Variants in TMCO1 observed in about 807,000 individuals in gnomAD.
TMCO1 encodes transmembrane and coiled-coil domains 1.
TMCO1 carries 29 observed loss-of-function variants against 29.3 expected under a neutral mutation model. The ratio of observed to expected loss-of-function variants is 0.99; its 90% CI spans 0.74 to 1.35. The LOEUF is 1.35. Ranked by LOEUF, TMCO1 falls within the 40% of genes most tolerant of loss-of-function variation. TMCO1 has a pLI of 0.00. For synonymous variants in TMCO1, 80 were observed against 77.1 expected (o/e 1.04, Z -0.20); for missense variants, 173 against 225.5 (o/e 0.77, Z 1.49).
At chr1:165,730,645 A>C (rs1173681660) in intron 6 of TMCO1, among the ~76,000 whole-genome samples, 2 of 152,192 alleles carry the variant, frequency 1.3e-5, no homozygotes, top group Non-Finnish European at 2.9e-5. Context: ...CTGAGGCTGG[A>C]GTGCAGTGGT....
intron 6 of TMCO1, among the ~76,000 whole-genome samples, chr1:165,731,847 G>A (rs1651171305): frequency 6.6e-6 from 1 of 152,192 alleles, no homozygotes; most frequent in South Asian, 2.1e-4. Context: ...TCCTTTCCTT[G>A]TGGCTCTTGC....
At chr1:165,748,654 G>A (rs1651890033) in intron 5 of TMCO1, among the ~76,000 whole-genome samples, 1 of 152,218 alleles carries the variant, frequency 6.6e-6, no homozygotes, top group East Asian at 1.9e-4. Flanking sequence ...ACATATGGAT[G>A]AGAATGCTGC....
At chr1:165,725,050 AAT>A (rs1650815015), downstream of TMCO1, 1 of 249,400 alleles carries the variant, frequency 4.0e-6, no homozygotes, top group Non-Finnish European at 7.6e-6. Context: ...ATATATATAA[AAT>A]AGTGTATATA....
At position 165,729,303 on chromosome 1, in the gene TMCO1, C is replaced by T. The variant is rs189726009; in HGVS notation, c.469-1182G>A. On this transcript the variant is annotated intron_variant, in intron 6 of 6. Coordinates refer to ENST00000367881, the MANE Select transcript of TMCO1 (RefSeq NM_019026.6). ...CTTTTATTCAGTTTTTAAAAACATA[C>T]TTTGTTCTCATAATTCTTTTTTTTT... Among the ~76,000 whole-genome samples, 127 of 145,096 alleles carry T rather than the reference C, an allele frequency of 8.8e-4. 1 individual carries two copies. The highest frequency in any genetic ancestry group is 3.1e-3 in the African/African-American group (123 of 39,632).
chr1:165,765,090 TA>T (rs1298345894), intron 2 of TMCO1, among the ~76,000 whole-genome samples: 1 of 152,192 alleles, frequency 6.6e-6, no homozygotes, highest in Non-Finnish European at 1.5e-5. Flanking sequence ...GTAAACAGGA[TA>T]CATAGGTAAA....
At chr1:165,759,090 C>T (rs1166804089) in intron 3 of TMCO1, among the ~76,000 whole-genome samples, 3 of 152,118 alleles carry the variant, frequency 2.0e-5, no homozygotes, top group Non-Finnish European at 4.4e-5. Flanking sequence ...ATTATTTCTC[C>T]AAGTATATCA....
At chr1:165,768,082 C>T (rs1015265684) in intron 2 of TMCO1, 110 bp downstream of exon 2, 4 of 945,496 alleles carry the variant, frequency 4.2e-6, no homozygotes, top group Middle Eastern at 2.1e-4. Flanking sequence ...AAATAGGCTT[C>T]AAGTCAGGTT....
chr1:165,738,681 A>G (rs996203478), intron 6 of TMCO1, among the ~76,000 whole-genome samples: 1 of 152,220 alleles, frequency 6.6e-6, no homozygotes, highest in African/African-American at 2.4e-5. Flanking sequence ...TAGAGAAACA[A>G]TTTATAATTA....
chr1:165,735,185 T>C lies in TMCO1; in HGVS notation c.469-7064A>G, dbSNP rs559029467. Among the ~76,000 whole-genome samples the C allele has an allele frequency of 5.3e-5, 8 of 152,330 alleles. No individual in the cohort carries two copies. In the South Asian group the frequency reaches 1.7e-3, roughly 32 times the overall value. ...CCTCCTTCCTTTCCTCTTTCTCCCG[T>C]ATCTTTCCAATGAAAATGTCCCTAG... On this transcript the variant is annotated intron_variant, in intron 6 of 6. Transcript: ENST00000367881.
intron 6 of TMCO1, among the ~76,000 whole-genome samples, chr1:165,732,828 A>G (rs975135854): frequency 1.3e-5 from 2 of 152,220 alleles, no homozygotes; most frequent in African/African-American, 4.8e-5. Context: ...ATATAGTAAG[A>G]TAACAGTTGT....
At chr1:165,734,281 C>A (rs1238466335) in intron 6 of TMCO1, among the ~76,000 whole-genome samples, 2 of 152,104 alleles carry the variant, frequency 1.3e-5, no homozygotes, top group Non-Finnish European at 2.9e-5. Context: ...CCTTATCGTA[C>A]AAGCTTGATA....
intron 6 of TMCO1, among the ~76,000 whole-genome samples, chr1:165,741,638 G>A (rs1651599243): frequency 6.6e-6 from 1 of 152,188 alleles, no homozygotes; most frequent in South Asian, 2.1e-4. Context: ...AAAGATCTTG[G>A]TGAGCCATGA....
chr1:165,739,597 C>T (rs929814685), intron 6 of TMCO1, among the ~76,000 whole-genome samples: 1 of 152,214 alleles, frequency 6.6e-6, no homozygotes, highest in African/African-American at 2.4e-5. Context: ...CCATGTTTCC[C>T]AGGCTGGTCT....
At chr1:165,750,294 C>T (rs1308220098) in intron 5 of TMCO1, among the ~76,000 whole-genome samples, 1 of 152,092 alleles carries the variant, frequency 6.6e-6, no homozygotes, top group Non-Finnish European at 1.5e-5. Flanking sequence ...AATCCCAGCA[C>T]TTTGGGAGGC....
At chr1:165,761,696 C>T (rs1367108260) in intron 2 of TMCO1, among the ~76,000 whole-genome samples, 1 of 151,850 alleles carries the variant, frequency 6.6e-6, no homozygotes, top group Non-Finnish European at 1.5e-5. Flanking sequence ...GTTCTGTAAG[C>T]CCAGCACTCT....
downstream of TMCO1, chr1:165,726,405 T>C (rs558094813): frequency 2.2e-4 from 141 of 630,184 alleles, no homozygotes; most frequent in Middle Eastern, 4.3e-4. Context: ...CACACTCTAG[T>C]TGAGGAGATG....
intron 4 of TMCO1, among the ~76,000 whole-genome samples, chr1:165,753,386 G>A (rs1317108487): frequency 6.7e-6 from 1 of 149,102 alleles, no homozygotes; most frequent in African/African-American, 2.5e-5. Flanking sequence ...GGTAGGAGGA[G>A]CGCACAAGCC....
At chr1:165,764,894 G>T (rs933895136) in intron 2 of TMCO1, among the ~76,000 whole-genome samples, 1 of 152,200 alleles carries the variant, frequency 6.6e-6, no homozygotes, top group Non-Finnish European at 1.5e-5. Context: ...CAGATTAAAT[G>T]AAATATAATA....
chr1:165,737,878 C>A (rs1651451208), intron 6 of TMCO1, among the ~76,000 whole-genome samples: 1 of 152,214 alleles, frequency 6.6e-6, no homozygotes, highest in South Asian at 2.1e-4. Flanking sequence ...TAATGCTATA[C>A]CATGAGGTGA....
Sources: gnomAD v4.1 joint callset for allele counts (sites outside exome capture counted in the v4.1 genomes callset) on GRCh38, gnomAD v4.1.1 for gene constraint, MANE v1.5 for transcripts, NCBI Gene and HGNC (gene_info 2026-07-23, HGNC 2026-07-21) for gene names.